RPS6KA2: variants seen among roughly 807,000 people sequenced by gnomAD.
The protein encoded by RPS6KA2 is ribosomal protein S6 kinase alpha-2.
A neutral mutation model predicts 91.8 loss-of-function variants in RPS6KA2; 42 were observed. That is an observed-to-expected ratio of 0.46 (90% CI 0.36 to 0.59). The LOEUF (loss-of-function observed/expected upper bound fraction) is 0.59. Among genes scored for constraint, RPS6KA2 ranks in the 20% least tolerant of loss-of-function variants. The pLI, the probability that RPS6KA2 is intolerant of heterozygous loss-of-function variation, is 0.00. For missense variants in RPS6KA2, 798 were observed against 978.5 expected (o/e 0.82, Z 2.46); for synonymous variants, 414 against 393.6 (o/e 1.05, Z -0.61).
rs1780213643 is a variant in RPS6KA2 at position 166,459,755 on chromosome 6, G to A, written c.973-204C>T. Among the ~76,000 whole-genome samples the A allele has an allele frequency of 6.6e-6, 1 of 152,184 alleles. No individual in the cohort carries two copies. Among genetic ancestry groups the A allele is most frequent in the Admixed American group, 6.5e-5 (1 of 15,284 alleles). ...TATGTGTAGTATGATAGATACTATGGCATATATAATAACGATGTATTATAG... is the reference window on the plus strand; with the variant it reads ...TATGTGTAGTATGATAGATACTATGACATATATAATAACGATGTATTATAG... On this transcript the variant is annotated intron_variant, in intron 11 of 20. Transcript: ENST00000265678. This position sits in a 1 kb window ranked among gnomAD's most constrained non-coding sequence, Gnocchi z 4.9.
intron 11 of RPS6KA2, among the ~76,000 whole-genome samples, chr6:166,467,843 C>T (rs559283610): frequency 3.3e-5 from 5 of 152,394 alleles, no homozygotes; most frequent in South Asian, 2.1e-4. Context: ...GTTCCATCTA[C>T]GGCTCTATCC....
intron 2 of RPS6KA2, among the ~76,000 whole-genome samples, chr6:166,653,348 G>A (rs943294840): frequency 3.9e-5 from 6 of 152,150 alleles, no homozygotes; most frequent in East Asian, 3.9e-4. Flanking sequence ...GGCGTGAGCC[G>A]CCCTGCCTGG....
intron 1 of RPS6KA2, among the ~76,000 whole-genome samples, chr6:166,595,005 G>A (rs960234059): frequency 9.2e-5 from 14 of 152,186 alleles, no homozygotes; most frequent in African/African-American, 3.4e-4. Context: ...AAAGTTCTTG[G>A]TCTTGGTTTT....
At chr6:166,846,304 C>T (rs1780603240) in intron 2 of RPS6KA2, among the ~76,000 whole-genome samples, 1 of 152,116 alleles carries the variant, frequency 6.6e-6, no homozygotes, top group Non-Finnish European at 1.5e-5. Flanking sequence ...GGAACCAAGC[C>T]TATTGACACT....
chr6:166,855,474 G>GGAAGAA (rs143635448), intron 2 of RPS6KA2, among the ~76,000 whole-genome samples: 2 of 127,894 alleles, frequency 1.6e-5, no homozygotes, highest in African/African-American at 8.6e-5. Flanking sequence ...AAGAGGAAGA[G>GGAAGAA]GAAGAAGAAG....
chr6:166,556,406 A>G (rs1784179540), intron 1 of RPS6KA2, among the ~76,000 whole-genome samples: 1 of 152,254 alleles, frequency 6.6e-6, no homozygotes, highest in South Asian at 2.1e-4. Context: ...AGAAATGGTC[A>G]TTCCCATAGC....
chr6:166,502,882 T>G (rs976140651), intron 6 of RPS6KA2, among the ~76,000 whole-genome samples: 2 of 152,228 alleles, frequency 1.3e-5, no homozygotes, highest in African/African-American at 4.8e-5. Flanking sequence ...GATAAAGTCT[T>G]TTTTGATTCT....
At chr6:166,712,909 G>T (rs940526686) in intron 2 of RPS6KA2, among the ~76,000 whole-genome samples, 1 of 152,254 alleles carries the variant, frequency 6.6e-6, no homozygotes, top group South Asian at 2.1e-4. Flanking sequence ...CTCATGTCTC[G>T]CTCTCTCTCC....
intron 16 of RPS6KA2, chr6:166,424,060 A>T (rs1372917148): frequency 6.6e-6 from 1 of 152,386 alleles, no homozygotes; most frequent in Non-Finnish European, 1.5e-5. Context: ...ACAGAGGGCC[A>T]TTGTGAGGAC....
At chr6:166,520,111 C>T (rs1782801023) in intron 3 of RPS6KA2, among the ~76,000 whole-genome samples, 1 of 152,194 alleles carries the variant, frequency 6.6e-6, no homozygotes, top group Admixed American at 6.5e-5. Context: ...GCATGTTTTC[C>T]AGCCCTCGGA....
chr6:166,628,247 C>CA (rs1433971781), upstream of RPS6KA2, among the ~76,000 whole-genome samples: 1 of 152,122 alleles, frequency 6.6e-6, no homozygotes, highest in African/African-American at 2.4e-5. Context: ...CCAAGGGCTG[C>CA]AGCAGGGCCG....
At chr6:166,530,160 C>T (rs1783214985) in intron 3 of RPS6KA2, among the ~76,000 whole-genome samples, 4 of 152,214 alleles carry the variant, frequency 2.6e-5, no homozygotes, top group Admixed American at 2.6e-4. Context: ...GACACTGTTG[C>T]AAGACCTAAA....
At chr6:166,715,824 G>A (rs1247000261) in intron 2 of RPS6KA2, among the ~76,000 whole-genome samples, 4 of 152,248 alleles carry the variant, frequency 2.6e-5, no homozygotes, top group African/African-American at 9.6e-5. Flanking sequence ...GATCATCTGA[G>A]GTCAGGAGTT....
At chr6:166,581,373 C>T (rs1025713432) in intron 1 of RPS6KA2, among the ~76,000 whole-genome samples, 1 of 152,196 alleles carries the variant, frequency 6.6e-6, no homozygotes, top group Non-Finnish European at 1.5e-5. Context: ...GCCTAGGCCT[C>T]TCTACACCCA....
At chr6:166,487,971 T>C (rs1260077236) in intron 10 of RPS6KA2, among the ~76,000 whole-genome samples, 2 of 152,212 alleles carry the variant, frequency 1.3e-5, no homozygotes, top group African/African-American at 4.8e-5. Flanking sequence ...GGGTCCTTCT[T>C]TCTTTGGGGT....
intron 13 of RPS6KA2, among the ~76,000 whole-genome samples, chr6:166,450,009 G>GGGAA (rs1779823309): frequency 5.0e-5 from 4 of 80,196 alleles, no homozygotes; most frequent in African/African-American, 4.1e-5. Flanking sequence ...CACCATGGAT[G>GGGAA]TCACCTAAGG....
chr6:166,682,358 A>G (rs1178651678), intron 2 of RPS6KA2, among the ~76,000 whole-genome samples: 2 of 152,210 alleles, frequency 1.3e-5, no homozygotes, highest in Non-Finnish European at 2.9e-5. Context: ...CTCAGTATCC[A>G]CGTTTGGCTT....
In RPS6KA2 at chr6:166,860,619, C is replaced by T. The variant is rs540521169; in HGVS notation, c.63+1489G>A. The stretch of plus-strand genomic sequence containing the variant: ...CCTGGCCCCCTCTCTCCCATCCTTT[C>T]TGAGCCCAGGGCGGAATCCTCCCTC... On this transcript the variant is annotated intron_variant, in intron 1 of 21. Coordinates refer to the RPS6KA2 transcript ENST00000503859. Among the ~76,000 whole-genome samples, 47 of 152,346 alleles carry T rather than the reference C, an allele frequency of 3.1e-4. 1 individual carries two copies. The South Asian group carries it at 9.7e-3, about 32-fold the overall frequency.
intron 2 of RPS6KA2, among the ~76,000 whole-genome samples, chr6:166,796,376 G>A (rs1779224325): frequency 6.6e-6 from 1 of 152,088 alleles, no homozygotes; most frequent in Admixed American, 6.6e-5. Context: ...GGATCACGAG[G>A]TCAAGAGATA....
Sources: gnomAD v4.1 joint callset for allele counts (sites outside exome capture counted in the v4.1 genomes callset) on GRCh38, gnomAD v4.1.1 for gene constraint, Gnocchi (gnomAD v3.1) non-coding constraint, MANE v1.5 for transcripts, NCBI Gene and HGNC (gene_info 2026-07-23, HGNC 2026-07-21) for gene names.